The following WIPI2 variants were observed in gnomAD, a reference collection of about 807,000 sequenced individuals.
WIPI2 encodes the protein WD repeat domain phosphoinositide-interacting protein 2.
In WIPI2, 28 loss-of-function variants were observed where a neutral mutation model predicts 52.3. The ratio of observed to expected loss-of-function variants is 0.54; its 90% CI spans 0.40 to 0.73. WIPI2 has a LOEUF of 0.73. Ranked by LOEUF, WIPI2 falls within the 30% of genes least tolerant of loss-of-function variation. WIPI2 has a pLI of 0.00. For synonymous variants in WIPI2, 268 were observed against 245.0 expected, an observed-to-expected ratio of 1.09 and a Z score of -0.88; for missense variants, 506 against 602.9, an observed-to-expected ratio of 0.84 and a Z score of 1.68.
At chr7:5,215,853 C>T (rs1356500896) in intron 4 of WIPI2, among the ~76,000 whole-genome samples, 1 of 152,192 alleles carries the variant, frequency 6.6e-6, no homozygotes, top group Non-Finnish European at 1.5e-5. Flanking sequence ...CATTTTCTTC[C>T]AAATGGAGCA....
Position 5,231,978 on chromosome 7 carries a change from CA to C in WIPI2, c.*1032del, listed in dbSNP as rs1258754054. ...CTATTTTCATCTTAGAAAATTTCCTCAGCAAACCGATGAGAGATTGTGGTTG... is the reference window on the plus strand; with the variant it reads ...CTATTTTCATCTTAGAAAATTTCCTCGCAAACCGATGAGAGATTGTGGTTG... On this transcript the variant is annotated 3_prime_UTR_variant, in exon 13 of 13. Transcript: ENST00000288828. The C allele has an allele frequency of 2.3e-5, 9 of 391,544 alleles. No homozygotes were observed. The highest frequency in any genetic ancestry group is 4.1e-5 in the Non-Finnish European group (9 of 221,848). The allele number at this position is 391,544 out of a possible 1,614,324, so 24.3% of individuals were successfully genotyped here.
chr7:5,202,292 G>A (rs1283213888), intron 3 of WIPI2, among the ~76,000 whole-genome samples: 2 of 152,194 alleles, frequency 1.3e-5, no homozygotes, highest in Non-Finnish European at 2.9e-5. Flanking sequence ...AGCAGTACTG[G>A]AAGATAGATT....
At chr7:5,220,782 G>A (rs1467165509) in intron 7 of WIPI2, among the ~76,000 whole-genome samples, 1 of 151,610 alleles carries the variant, frequency 6.6e-6, no homozygotes, top group Non-Finnish European at 1.5e-5. Flanking sequence ...AGCTTAGATA[G>A]TCTTTTCTTT....
rs140986506 is a variant in WIPI2 at position 5,225,857 on chromosome 7, G to A, written c.775G>A (p.Asp259Asn). The change falls in exon 9 of 13, where the codon GAC (aspartate) becomes AAC (asparagine). Residue 259 changes from aspartate (D) to asparagine (N), a missense_variant. By Grantham distance (23) the Asp-to-Asn change is conservative (BLOSUM62 1). Coordinates refer to ENST00000288828, the MANE Select transcript of WIPI2 (RefSeq NM_015610.4). ...VSICSLAFSM[D>N]GMFLSASSNT... ...CATCTGCTCCCTGGCCTTCAGCATG[G>A]ACGGCATGTTCCTCTCCGCCTCCAG... 6 of 1,613,738 alleles carry A rather than the reference G, an allele frequency of 3.7e-6. No homozygotes were observed. The highest frequency in any genetic ancestry group is 5.1e-6 in the Non-Finnish European group (6 of 1,179,946).
chr7:5,205,454 A>T (rs767760629), intron 3 of WIPI2, among the ~76,000 whole-genome samples: 1 of 152,188 alleles, frequency 6.6e-6, no homozygotes, highest in Non-Finnish European at 1.5e-5. Context: ...GGTTTCAGCG[A>T]CGTTAGAGAT....
chr7:5,222,471 A>G, intron 7 of WIPI2, 131 bp from the exon 8 acceptor site: 4 of 930,784 alleles, frequency 4.3e-6, no homozygotes, highest in Non-Finnish European at 6.9e-6. Flanking sequence ...GGGGGACCCC[A>G]GACTCCTTGG....
chr7:5,232,364 T>C lies in WIPI2; in HGVS notation c.*1417T>C. 2.5e-6 allele frequency: 1 copy of C among 398,600 alleles called. No individual in the cohort carries two copies. The highest frequency in any genetic ancestry group is 1.3e-4 in the South Asian group (1 of 7,816). 24.7% of individuals were successfully genotyped at this position (398,600 alleles called of 1,614,324 possible). A position where few individuals can be genotyped will look rare whatever the true frequency, so the allele number is the denominator to read the frequency against. ...GGTGAAATGCCCCAGTGTTCCTGGG[T>C]TGGCTTTACGGCAAACTAAATGCAG... On this transcript the variant is annotated 3_prime_UTR_variant, in exon 13 of 13. Coordinates refer to ENST00000288828, the MANE Select transcript of WIPI2 (RefSeq NM_015610.4).
intron 1 of WIPI2, 44 bp from the exon 2 acceptor site, chr7:5,193,073 GT>G (rs749294625): frequency 1.4e-4 from 220 of 1,584,418 alleles, no homozygotes; most frequent in Non-Finnish European, 1.8e-4. Flanking sequence ...AGTTTTATTT[GT>G]TTTTTACCAT....
At chr7:5,212,648 C>G (rs1782613619) in intron 3 of WIPI2, among the ~76,000 whole-genome samples, 1 of 152,142 alleles carries the variant, frequency 6.6e-6, no homozygotes, top group Non-Finnish European at 1.5e-5. Context: ...CTCTTCCTAC[C>G]TCAGCTACAC....
intron 2 of WIPI2, among the ~76,000 whole-genome samples, chr7:5,197,716 A>G (rs891285938): frequency 1.3e-5 from 2 of 152,224 alleles, no homozygotes; most frequent in African/African-American, 4.8e-5. Flanking sequence ...AATAAATCAC[A>G]TGATCATTAA....
chr7:5,197,197 A>G (rs1241214803), intron 2 of WIPI2, among the ~76,000 whole-genome samples: 1 of 151,460 alleles, frequency 6.6e-6, no homozygotes, highest in Non-Finnish European at 1.5e-5. Context: ...GATATGGGGT[A>G]CACCAAACCC....
rs1420530377 is a variant in WIPI2, at chr7:5,199,599, C to A, written c.152C>A (p.Ser51Tyr). ...VVWSLAVGSK[S>Y]GYKFFSLSSV... Reference sequence around the variant, plus strand: ...AGGTCCCTAGCTGTTGGTAGTAAGTCCGGTTATAAATTTTTCTCCCTTTCT... The same window carrying A: ...AGGTCCCTAGCTGTTGGTAGTAAGTACGGTTATAAATTTTTCTCCCTTTCT... The change falls in exon 3 of 13, where the codon TCC (serine) becomes TAC (tyrosine). Residue 51 changes from serine to tyrosine, a missense_variant. Physicochemically the swap from Ser to Tyr is moderately radical, Grantham distance 144 (BLOSUM62 -2). This residue lies in a region of WIPI2 where 60 missense variants were observed against 49.7 expected (regional missense o/e 1.21). Transcript: ENST00000288828. 3.1e-6 allele frequency: 5 copies of A among 1,613,274 alleles called. No homozygotes were observed. The South Asian group carries it at 4.4e-5, about 14-fold the overall frequency.
intron 9 of WIPI2, chr7:5,226,975 C>T (rs536214856): frequency 4.8e-6 from 3 of 619,830 alleles, no homozygotes; most frequent in East Asian, 5.8e-5. Context: ...GAAGCCTGAG[C>T]ACCCCTCCCC....
chr7:5,202,450 C>T (rs371067015), intron 3 of WIPI2, among the ~76,000 whole-genome samples: 4 of 152,202 alleles, frequency 2.6e-5, no homozygotes, highest in East Asian at 1.9e-4. Flanking sequence ...GTGGCATAAT[C>T]ATAGCTCACT....
intron 3 of WIPI2, among the ~76,000 whole-genome samples, chr7:5,210,057 A>G (rs931263989): frequency 1.1e-3 from 170 of 151,672 alleles, no homozygotes; most frequent in African/African-American, 3.7e-3. Context: ...ACAGGCGCCC[A>G]CCGCGATGCC....
chr7:5,203,980 G>T (rs74843210), intron 3 of WIPI2, among the ~76,000 whole-genome samples: 1 of 152,252 alleles, frequency 6.6e-6, no homozygotes, highest in East Asian at 1.9e-4. Context: ...GTCCTGGGAC[G>T]TGCCATCTTG....
intron 11 of WIPI2, 21 bp from the exon 12 acceptor site, chr7:5,229,587 G>A (rs1214805627): frequency 6.2e-7 from 1 of 1,609,764 alleles, no homozygotes; most frequent in Non-Finnish European, 8.5e-7. Context: ...ACGCTGAGCT[G>A]TGTCGCTTTC....
At chr7:5,229,806 G>C in intron 12 of WIPI2, 68 bp downstream of exon 12, 6 of 1,589,400 alleles carry the variant, frequency 3.8e-6, no homozygotes, top group Non-Finnish European at 5.1e-6. Flanking sequence ...GCCTTCTGCT[G>C]GCTCCGGAGC....
Position 5,190,440 on chromosome 7 carries a change from C to CG in WIPI2, c.25dup (p.Glu9GlyfsTer41). On this transcript the variant is annotated frameshift_variant, in exon 1 of 13. Coordinates refer to ENST00000288828, the MANE Select transcript of WIPI2 (RefSeq NM_015610.4). LOFTEE classifies it high-confidence loss of function. ...CAGCCATGAACCTGGCGAGCCAGAGCGGGGAGGCCGGCGCCGGCCAGCTGC... is the reference window on the plus strand; with the variant it reads ...CAGCCATGAACCTGGCGAGCCAGAGCGGGGGAGGCCGGCGCCGGCCAGCTGC... 6.8e-7 allele frequency: 1 copy of CG among 1,479,238 alleles called. No individual in the cohort carries two copies. Among genetic ancestry groups the CG allele is most frequent in the Non-Finnish European group, 9.0e-7 (1 of 1,111,962 alleles). The allele number at this position is 1,479,238 out of a possible 1,614,324, so 91.6% of individuals were successfully genotyped here.
Sources: gnomAD v4.1 joint callset for allele counts (sites outside exome capture counted in the v4.1 genomes callset) on GRCh38, gnomAD v4.1.1 for gene constraint, gnomAD v4.1.1 regional missense constraint, MANE v1.5 for transcripts, NCBI Gene and HGNC (gene_info 2026-07-23, HGNC 2026-07-21) for gene names.